Variants in ZNF678 observed in about 807,000 individuals in gnomAD.
ZNF678 encodes the protein zinc finger protein 678, also known as hypothetical protein MGC42493.
Under a neutral mutation model 3.0 loss-of-function variants are expected in ZNF678, and 5 were observed. The ratio of observed to expected loss-of-function variants is 1.69; its 90% confidence interval spans 0.88 to 3.56. The LOEUF (loss-of-function observed/expected upper bound fraction) is 3.56. ZNF678 is among the 30% of genes most tolerant of loss of function. ZNF678 has a pLI of 0.00. For missense variants in ZNF678, 593 were observed against 605.0 expected (o/e 0.98, Z 0.21); for synonymous variants, 218 against 199.6 (o/e 1.09, Z -0.78).
At chr1:227,578,807 G>T (rs1422395972) in intron 1 of ZNF678, among the ~76,000 whole-genome samples, 1 of 152,220 alleles carries the variant, frequency 6.6e-6, no homozygotes, top group Non-Finnish European at 1.5e-5. Flanking sequence ...TTGGAGGAAA[G>T]AAAGCACTCT....
intron 1 of ZNF678, among the ~76,000 whole-genome samples, chr1:227,635,684 G>T (rs1444399701): frequency 6.6e-6 from 1 of 152,082 alleles, no homozygotes; most frequent in African/African-American, 2.4e-5. Flanking sequence ...AAGTGTCCTA[G>T]TCTGATGTAA....
At chr1:227,626,012 ATGGGGCATCAATATTTC>A (rs1396431288) in intron 1 of ZNF678, among the ~76,000 whole-genome samples, 3 of 152,092 alleles carry the variant, frequency 2.0e-5, no homozygotes, top group African/African-American at 7.2e-5. Flanking sequence ...CTCCTATACG[ATGGGGCATCAATATTTC>A]TGGGAAGCTG....
intron 1 of ZNF678, among the ~76,000 whole-genome samples, chr1:227,570,298 C>T (rs1656804768): frequency 2.0e-5 from 3 of 152,100 alleles, no homozygotes; most frequent in South Asian, 2.1e-4. Flanking sequence ...TTTTCTTATT[C>T]CTCATGATTG....
intron 5 of ZNF678, among the ~76,000 whole-genome samples, chr1:227,668,755 A>T (rs568391521): frequency 6.6e-6 from 1 of 152,266 alleles, no homozygotes; most frequent in South Asian, 2.1e-4. Context: ...AAAGGTAAGG[A>T]TCTATTTGTA....
chr1:227,588,581 C>T (rs1455533821), intron 1 of ZNF678, among the ~76,000 whole-genome samples: 1 of 150,388 alleles, frequency 6.6e-6, no homozygotes, highest in South Asian at 2.1e-4. Context: ...CTCAATGCAA[C>T]CTCCACCTCC....
intron 1 of ZNF678, among the ~76,000 whole-genome samples, chr1:227,624,681 G>A (rs1416405972): frequency 3.3e-5 from 5 of 152,212 alleles, no homozygotes; most frequent in African/African-American, 1.2e-4. Flanking sequence ...GAAGCCATGG[G>A]TCACAGAAGA....
intron 1 of ZNF678, among the ~76,000 whole-genome samples, chr1:227,633,901 G>T (rs553616919): frequency 6.6e-6 from 1 of 152,192 alleles, no homozygotes; most frequent in Non-Finnish European, 1.5e-5. Flanking sequence ...GCAGCTAAGG[G>T]AATGCTGACA....
At chr1:227,625,701 C>T (rs1275537392) in intron 1 of ZNF678, among the ~76,000 whole-genome samples, 5 of 152,152 alleles carry the variant, frequency 3.3e-5, no homozygotes, top group Middle Eastern at 3.4e-3. Context: ...TGGAGGATTT[C>T]ATGTAGTTTT....
Position 227,655,673 on chromosome 1 carries a change from A to G in ZNF678, c.1423A>G (p.Ser475Gly), listed in dbSNP as rs1659226074. The G allele has an allele frequency of 2.5e-6, 4 of 1,612,768 alleles. No homozygotes were observed. In the East Asian group the frequency reaches 8.9e-5, roughly 36 times the overall value. Residue 475 changes from serine to glycine, a missense_variant, in exon 4 of 4, where the codon AGC becomes GGC. Transcript: ENST00000343776. Reference sequence around the variant, plus strand: ...TGGCAAAGCCTTTAACCAGTTCTCAAGCCTTACTCGTCATAAAAGAATTCA... The same window carrying G: ...TGGCAAAGCCTTTAACCAGTTCTCAGGCCTTACTCGTCATAAAAGAATTCA... ...ECGKAFNQFS[S>G]LTRHKRIHTG...
chr1:227,675,209 T>C (rs1271169594), intron 5 of ZNF678, among the ~76,000 whole-genome samples: 1 of 152,106 alleles, frequency 6.6e-6, no homozygotes, highest in Non-Finnish European at 1.5e-5. Context: ...TATAAGAAGA[T>C]GCACCAGAGA....
chr1:227,644,555 C>A (rs546558124), intron 1 of ZNF678, among the ~76,000 whole-genome samples: 2 of 152,150 alleles, frequency 1.3e-5, no homozygotes, highest in South Asian at 4.2e-4. Context: ...GTTTGTTGTG[C>A]CTGTTTTTTT....
rs1352664964 is a variant in ZNF678 at position 227,638,403 on chromosome 1, G to T, written c.-163-8141G>T. 6.6e-6 allele frequency among the ~76,000 whole-genome samples: 1 copy of T among 152,164 alleles called. No individual in the cohort carries two copies. The highest frequency in any genetic ancestry group is 6.5e-5 in the Admixed American group (1 of 15,286). On this transcript the variant is annotated intron_variant, in intron 1 of 3. Transcript: ENST00000343776. This position sits in a 1 kb window ranked among gnomAD's most constrained non-coding sequence, Gnocchi z 4.2. ...AACTGGTGTGTTAAAAGGGGATTTT[G>T]TTGGGCAGAGTAGGTGACTAGCAAG...
At chr1:227,615,582 C>G (rs1175968074) in intron 1 of ZNF678, among the ~76,000 whole-genome samples, 1 of 152,176 alleles carries the variant, frequency 6.6e-6, no homozygotes, top group East Asian at 1.9e-4. Context: ...AACCTACTAC[C>G]AAGTCCATTT....
At chr1:227,672,017 A>C (rs1332900048) in intron 5 of ZNF678, among the ~76,000 whole-genome samples, 1 of 152,230 alleles carries the variant, frequency 6.6e-6, no homozygotes, top group African/African-American at 2.4e-5. Context: ...TGATGCAGAG[A>C]AATGCATTCC....
downstream of ZNF678, among the ~76,000 whole-genome samples, chr1:227,679,400 C>T (rs1185217548): frequency 3.9e-5 from 6 of 152,092 alleles, no homozygotes; most frequent in Non-Finnish European, 8.8e-5. Flanking sequence ...CGACCCTGGC[C>T]TAACTGGTTA....
At chr1:227,640,691 T>TTC (rs1314051590) in intron 1 of ZNF678, among the ~76,000 whole-genome samples, 1 of 152,102 alleles carries the variant, frequency 6.6e-6, no homozygotes, top group African/African-American at 2.4e-5. Flanking sequence ...CCAGGCTGTA[T>TTC]CGCAAAAAAA....
chr1:227,639,696 T>TGGGG (rs958958725), intron 1 of ZNF678, among the ~76,000 whole-genome samples: 4 of 152,156 alleles, frequency 2.6e-5, no homozygotes, highest in Non-Finnish European at 5.9e-5. Context: ...ATAATCCCAG[T>TGGGG]GGGGGTCCTG....
At chr1:227,580,072 A>G (rs1219204831) in intron 1 of ZNF678, among the ~76,000 whole-genome samples, 2 of 152,130 alleles carry the variant, frequency 1.3e-5, no homozygotes, top group African/African-American at 4.8e-5. Flanking sequence ...GAGGCCTGTG[A>G]GAGTGGATTG....
chr1:227,655,814 T>C lies in ZNF678; in HGVS notation c.1564T>C (p.Cys522Arg), dbSNP rs1659233434. The C allele has an allele frequency of 3.2e-6, 5 of 1,565,740 alleles. No individual in the cohort carries two copies. The highest frequency in any genetic ancestry group is 1.2e-5 in the South Asian group (1 of 81,946). Residue 522 changes from cysteine to arginine, a missense_variant, in exon 4 of 4, where the codon TGT becomes CGT. Cys to Arg is a radical substitution (Grantham distance 180). Transcript: ENST00000343776. ...TGEEPDKCKK[C>R]GSL The stretch of plus-strand genomic sequence containing the variant: ...AGAGGAACCTGACAAATGTAAAAAA[T>C]GTGGCAGTCTTTAAAAACTGCTTCA...
Sources: allele counts gnomAD v4.1 joint callset (sites outside exome capture counted in the v4.1 genomes callset), GRCh38; gene constraint gnomAD v4.1.1; non-coding constraint Gnocchi (gnomAD v3.1); transcripts MANE v1.5; gene names NCBI Gene and HGNC (gene_info 2026-07-23, HGNC 2026-07-21).